The following ZMIZ2 variants were observed in gnomAD, a reference collection of about 807,000 sequenced individuals.
The protein encoded by ZMIZ2 is zinc finger MIZ domain-containing protein 2.
A neutral mutation model predicts 93.9 loss-of-function variants in ZMIZ2; 26 were observed. The ratio of observed to expected loss-of-function variants is 0.28; its 90% CI spans 0.20 to 0.38. The LOEUF (loss-of-function observed/expected upper bound fraction) is 0.38, where lower values mean the gene tolerates loss of function less well. Ranked by LOEUF, ZMIZ2 falls within the 10% of genes least tolerant of loss-of-function variation. The pLI is 1.00. For missense variants in ZMIZ2, 1,023 were observed against 1,235.0 expected, an observed-to-expected ratio of 0.83 and a Z score of 2.57; for synonymous variants, 485 against 516.4, an observed-to-expected ratio of 0.94 and a Z score of 0.82.
intron 14 of ZMIZ2, 36 bp downstream of exon 14, chr7:44,764,522 C>T (rs769850816): frequency 2.5e-6 from 4 of 1,609,256 alleles, no homozygotes; most frequent in Non-Finnish European, 3.4e-6. Flanking sequence ...GGAGGAGGGG[C>T]TGGTGCTTTT....
In ZMIZ2 at chr7:44,759,084, T is replaced by TTA. The variant is rs1554321183; in HGVS notation, c.814-197_814-196insTA. 6.2e-5 allele frequency among the ~76,000 whole-genome samples: 6 copies of TTA among 97,500 alleles called. No individual in the cohort carries two copies. In the East Asian group the frequency reaches 1.3e-3, roughly 20 times the overall value. 64.0% of individuals were successfully genotyped at this position (97,500 alleles called of 152,430 possible). A position where few individuals can be genotyped will look rare whatever the true frequency, so the allele number is the denominator to read the frequency against. On this transcript the variant is annotated intron_variant, in intron 6 of 18. Coordinates refer to ENST00000309315, the MANE Select transcript of ZMIZ2 (RefSeq NM_031449.4). ...GCAACAGAGTGAGACTGTCTCAAATTAAAAAAAAAAAAAAAAAAAAAAACA... is the reference window on the plus strand; with the variant it reads ...GCAACAGAGTGAGACTGTCTCAAATTTAAAAAAAAAAAAAAAAAAAAAAAACA...
chr7:44,767,572 C>A lies in ZMIZ2; in HGVS notation c.2712C>A (p.Asp904Glu), dbSNP rs1485087229. 1 of 1,614,144 alleles carries A rather than the reference C, an allele frequency of 6.2e-7. No homozygotes were observed. The highest frequency in any genetic ancestry group is 8.5e-7 in the Non-Finnish European group (1 of 1,180,026). Reference sequence around the variant, plus strand: ...TACTGTCCTACTTGGGCCCACCCGACCTCCCTACGAACAACAATGACGACC... The same window carrying A: ...TACTGTCCTACTTGGGCCCACCCGAACTCCCTACGAACAACAATGACGACC... ...DELLSYLGPPDLPTNNNDDLL... is the reference protein window; with the variant it reads ...DELLSYLGPPELPTNNNDDLL... Residue 904 changes from aspartate to glutamate, a missense_variant, in exon 19 of 19, where the codon GAC becomes GAA. By Grantham distance (45) the Asp-to-Glu change is conservative (BLOSUM62 2). Transcript: ENST00000309315.
intron 6 of ZMIZ2, among the ~76,000 whole-genome samples, chr7:44,758,530 C>T (rs1445924355): frequency 6.6e-6 from 1 of 150,798 alleles, no homozygotes; most frequent in Non-Finnish European, 1.5e-5. Context: ...AATCCCAACA[C>T]TTTGGGAGGC....
Position 44,761,778 on chromosome 7 carries a change from G to A in ZMIZ2, c.1469G>A (p.Ser490Asn). ...AACTGGCCAGCCTCGGTGCAGGTCA[G>A]CGTCAATGCCACGCCGCTCACCATC... is the stretch of plus-strand genomic sequence containing the variant. ...NTNWPASVQV[S>N]VNATPLTIER... Residue 490 changes from serine (S) to asparagine (N), a missense_variant, in exon 11 of 19, where the codon AGC becomes AAC. By Grantham distance (46) the Ser-to-Asn change is conservative. Transcript: ENST00000309315. This position sits in a 1 kb window ranked among gnomAD's most constrained non-coding sequence, Gnocchi z 5.8. 6.2e-7 allele frequency: 1 copy of A among 1,613,832 alleles called. No individual in the cohort carries two copies. The highest frequency in any genetic ancestry group is 1.1e-5 in the South Asian group (1 of 91,068).
intron 1 of ZMIZ2, among the ~76,000 whole-genome samples, chr7:44,751,738 T>G (rs1052202234): frequency 1.3e-5 from 2 of 152,198 alleles, no homozygotes; most frequent in African/African-American, 4.8e-5. Context: ...GGTGGATCAC[T>G]TGAGGTCAAG....
Position 44,756,513 on chromosome 7 carries a change from G to A in ZMIZ2, c.139G>A (p.Gly47Arg). 6.2e-7 allele frequency: 1 copy of A among 1,614,060 alleles called. No homozygotes were observed. The highest frequency in any genetic ancestry group is 8.5e-7 in the Non-Finnish European group (1 of 1,180,026). ...GSLSVVTTVWGVGNATQSQVL... is the reference protein window; with the variant it reads ...GSLSVVTTVWRVGNATQSQVL... ...GCTGTCTGTGGTCACTACTGTGTGG[G>A]GAGTTGGCAACGCGACACAGAGCCA... Residue 47 changes from glycine to arginine, a missense_variant, in exon 3 of 19, where the codon GGA (glycine) becomes AGA (arginine). By Grantham distance (125) the Gly-to-Arg change is moderately radical. Transcript: ENST00000309315.
chr7:44,760,486 T>C lies in ZMIZ2; in HGVS notation c.1133T>C (p.Met378Thr). 6.2e-7 allele frequency: 1 copy of C among 1,614,124 alleles called. No homozygotes were observed. Among genetic ancestry groups the C allele is most frequent in the Non-Finnish European group, 8.5e-7 (1 of 1,180,012 alleles). Residue 378 changes from methionine to threonine, a missense_variant, in exon 9 of 19, where the codon ATG becomes ACG. Physicochemically the swap from Met to Thr is moderately conservative, Grantham distance 81. Around this residue, in one of 3 missense-constraint regions of ZMIZ2, gnomAD observed 656 missense variants for 777.1 expected, o/e 0.84. Coordinates refer to ENST00000309315, the MANE Select transcript of ZMIZ2 (RefSeq NM_031449.4). ...SPLPGNPTPPMTPSSSVPYMS... is the reference protein window; with the variant it reads ...SPLPGNPTPPTTPSSSVPYMS... ...CTGCCAGGGAACCCCACGCCACCCA[T>C]GACCCCAAGCAGCAGCGTCCCTTAC...
intron 7 of ZMIZ2, chr7:44,759,812 A>T (rs1184750476): frequency 2.2e-6 from 1 of 445,750 alleles, no homozygotes; most frequent in African/African-American, 2.0e-5. Context: ...TGCTGCAGAG[A>T]AATCCATTGA....
intron 1 of ZMIZ2, 106 bp from the exon 2 acceptor site, chr7:44,756,082 C>G (rs530341153): frequency 1.4e-5 from 12 of 857,474 alleles, no homozygotes; most frequent in Non-Finnish European, 2.0e-5. Flanking sequence ...CCAGGGGTCC[C>G]TTATTGAGAA....
chr7:44,765,429 C>T lies in ZMIZ2; in HGVS notation c.2092C>T (p.Pro698Ser), dbSNP rs1487094706. The change falls in exon 16 of 19, where the codon CCA becomes TCA. Residue 698 changes from proline to serine, a missense_variant. Physicochemically the swap from Pro to Ser is moderately conservative, Grantham distance 74. This residue lies in a region of ZMIZ2 where 319 missense variants were observed against 358.8 expected (regional missense o/e 0.89). Transcript: ENST00000309315. This position sits in a 1 kb window ranked among gnomAD's most constrained non-coding sequence, Gnocchi z 4.1. ...GCACATCAAGGAGGAGCCGGATGGG[C>T]CAGCACTGAAGCGCTGCCGCACCGT... ...DMHIKEEPDG[P>S]ALKRCRTVSP... 6.2e-7 allele frequency: 1 copy of T among 1,610,886 alleles called. No homozygotes were observed. The highest frequency in any genetic ancestry group is 8.5e-7 in the Non-Finnish European group (1 of 1,179,980).
Position 44,766,842 on chromosome 7 carries a change from C to T in ZMIZ2, c.2655+179C>T, listed in dbSNP as rs549758696. Among the ~76,000 whole-genome samples the T allele has an allele frequency of 1.6e-4, 24 of 152,242 alleles. No homozygotes were observed. The highest frequency in any genetic ancestry group is 4.3e-4 in the African/African-American group (18 of 41,544). On this transcript the variant is annotated intron_variant, in intron 18 of 18. Coordinates refer to ENST00000309315, the MANE Select transcript of ZMIZ2 (RefSeq NM_031449.4). The surrounding 1 kb of genome is among the most constrained non-coding windows in gnomAD (Gnocchi z 4.4). Reference sequence around the variant, plus strand: ...ACCTGGAGTAGCTGCGGGTGGGATGCGATGTACCACATTTGTGTTCATGAG... The same window carrying T: ...ACCTGGAGTAGCTGCGGGTGGGATGTGATGTACCACATTTGTGTTCATGAG...
At chr7:44,756,387 CT>C (rs778636924) in intron 2 of ZMIZ2, 37 bp from the exon 3 acceptor site, 1 of 1,613,862 alleles carries the variant, frequency 6.2e-7, no homozygotes, top group Non-Finnish European at 8.5e-7. Flanking sequence ...ACACCAGTGG[CT>C]TCCTGACCCA....
Position 44,760,167 on chromosome 7 carries a change from A to G in ZMIZ2, c.1010A>G (p.Asn337Ser), listed in dbSNP as rs766210051. 3.7e-6 allele frequency: 6 copies of G among 1,613,842 alleles called. No individual in the cohort carries two copies. Among genetic ancestry groups the G allele is most frequent in the South Asian group, 1.1e-5 (1 of 91,084 alleles). The change falls in exon 8 of 19, where the codon AAC becomes AGC. Residue 337 changes from asparagine to serine, a missense_variant. Transcript: ENST00000309315. ...CTCCCGCAGCCCACAGAGCAGTTCA[A>G]CGGGCAGGGCGCCAGCTTCAACGGG... The part of the protein sequence containing the change: ...GLHYKPTEQF[N>S]GQGASFNGGS...
Position 44,765,032 on chromosome 7 carries a change from C to A in ZMIZ2, c.1997+23C>A. ...GAAGTAAGCATCCTCTTCCTGTGAT[C>A]CCTGCATCTGTGGCCACTGGAGGGC... On this transcript the variant is annotated intron_variant, in intron 15 of 18. Transcript: ENST00000309315. The surrounding 1 kb of genome is among the most constrained non-coding windows in gnomAD (Gnocchi z 4.1). 1.9e-6 allele frequency: 3 copies of A among 1,613,762 alleles called. No individual in the cohort carries two copies. The highest frequency in any genetic ancestry group is 1.7e-6 in the Non-Finnish European group (2 of 1,179,712).
At chr7:44,749,825 G>A (rs1261135905) in intron 1 of ZMIZ2, 1 of 152,200 alleles carries the variant, frequency 6.6e-6, no homozygotes, top group Non-Finnish European at 1.5e-5. Context: ...ATTTCACAGG[G>A]ACACACACGG....
At position 44,766,293 on chromosome 7, in the gene ZMIZ2, T is replaced by C. The variant is rs1233949881; in HGVS notation, c.2372T>C (p.Leu791Pro). 1 of 1,566,450 alleles carries C rather than the reference T, an allele frequency of 6.4e-7. No individual in the cohort carries two copies. The highest frequency in any genetic ancestry group is 1.1e-5 in the South Asian group (1 of 87,890). Residue 791 changes from leucine to proline, a missense_variant, in exon 17 of 19, where the codon CTC becomes CCC. Leu to Pro is a moderately conservative substitution (Grantham distance 98). This residue lies in a region of ZMIZ2 where 319 missense variants were observed against 358.8 expected (regional missense o/e 0.89). Coordinates refer to ENST00000309315, the MANE Select transcript of ZMIZ2 (RefSeq NM_031449.4). The surrounding 1 kb of genome is among the most constrained non-coding windows in gnomAD (Gnocchi z 4.4). ...ISYQSDIPSS[L>P]LTSEKSTACL... Reference sequence around the variant, plus strand: ...TACCAGTCTGACATTCCCAGCAGCCTCCTGACTTCAGAGAAGTCTACCGCC... The same window carrying C: ...TACCAGTCTGACATTCCCAGCAGCCCCCTGACTTCAGAGAAGTCTACCGCC...
At chr7:44,753,935 TCCTC>T (rs1265678140) in intron 1 of ZMIZ2, among the ~76,000 whole-genome samples, 1 of 152,234 alleles carries the variant, frequency 6.6e-6, no homozygotes, top group Non-Finnish European at 1.5e-5. Flanking sequence ...AGGCTGTCCT[TCCTC>T]CTTTGAATTG....
chr7:44,761,978 CGTGGGGTGGG>C lies in ZMIZ2; in HGVS notation c.1596+75_1596+84del. ...GTGGTGGGGCCTGGCCCAGCGGTGC[CGTGGGGTGGG>C]GCGGGGTGTGGGCGGGGCCTGGCCC... On this transcript the variant is annotated intron_variant, in intron 11 of 18. Transcript: ENST00000309315. This position sits in a 1 kb window ranked among gnomAD's most constrained non-coding sequence, Gnocchi z 5.8. 1 of 215,950 alleles carries C rather than the reference CGTGGGGTGGG, an allele frequency of 4.6e-6. No individual in the cohort carries two copies. The highest frequency in any genetic ancestry group is 8.6e-6 in the Non-Finnish European group (1 of 115,732). The allele number at this position is 215,950 out of a possible 1,614,324, so 13.4% of individuals were successfully genotyped here.
At position 44,759,451 on chromosome 7, in the gene ZMIZ2, G is replaced by A. The variant is rs1562734244; in HGVS notation, c.984G>A (p.Leu328=). 1.3e-6 allele frequency: 2 copies of A among 1,543,538 alleles called. No homozygotes were observed. Among genetic ancestry groups the A allele is most frequent in the Non-Finnish European group, 1.7e-6 (2 of 1,144,660 alleles). ...TGTCCGTGCCTGGCCCCACGGGACT[G>A]CATTATAAGGTAGGGCAGGCTCCTC... ...QSLSVPGPTG[L]HYKPTEQFNG... is the part of the protein sequence containing the mutation. Residue 328 remains leucine, a synonymous_variant, in exon 7 of 19, where the codon CTG becomes CTA. Coordinates refer to ENST00000309315, the MANE Select transcript of ZMIZ2 (RefSeq NM_031449.4).
Sources: allele counts gnomAD v4.1 joint callset (sites outside exome capture counted in the v4.1 genomes callset), GRCh38; gene constraint gnomAD v4.1.1; regional missense constraint gnomAD v4.1.1; non-coding constraint Gnocchi (gnomAD v3.1); transcripts MANE v1.5; gene names NCBI Gene and HGNC (gene_info 2026-07-23, HGNC 2026-07-21).